Variants in DCC observed in about 807,000 individuals in gnomAD.
DCC encodes DCC netrin 1 receptor, also known as netrin receptor DCC.
DCC carries 58 observed loss-of-function variants against 172.5 expected under a neutral mutation model. The ratio of observed to expected loss-of-function variants is 0.34; its 90% CI spans 0.27 to 0.42. The LOEUF (loss-of-function observed/expected upper bound fraction) is 0.42. DCC is among the 10% of genes least tolerant of loss of function. The probability of loss-of-function intolerance (pLI) is 1.00; values close to 1 mark genes in which losing one functional copy is unlikely to be tolerated. For missense variants in DCC, 1,740 were observed against 1,791.0 expected, an observed-to-expected ratio of 0.97 and a Z score of 0.51; for synonymous variants, 709 against 644.5, an observed-to-expected ratio of 1.10 and a Z score of -1.52.
chr18:53,136,193 T>TTATCTATCTATC (rs149182187), intron 7 of DCC, among the ~76,000 whole-genome samples: 9,875 of 148,990 alleles, frequency 0.066, 435 homozygotes, highest in East Asian at 0.12. Context: ...GCATGTGATT[T>TTATCTATCTATC]TATCTATCTA....
chr18:52,500,741 AGT>A (rs1342746506), intron 1 of DCC, among the ~76,000 whole-genome samples: 1 of 152,124 alleles, frequency 6.6e-6, no homozygotes, highest in African/African-American at 2.4e-5. Context: ...CTCTCTCATG[AGT>A]GTGAAATGAT....
At chr18:52,976,473 T>A (rs1392046955) in intron 5 of DCC, among the ~76,000 whole-genome samples, 1 of 152,158 alleles carries the variant, frequency 6.6e-6, no homozygotes, top group Non-Finnish European at 1.5e-5. Context: ...CCACTCGTTA[T>A]CCTTCATTTA....
intron 7 of DCC, among the ~76,000 whole-genome samples, chr18:53,106,293 C>A (rs915580096): frequency 6.6e-6 from 1 of 151,910 alleles, no homozygotes; most frequent in Non-Finnish European, 1.5e-5. Flanking sequence ...AGTGGAATGT[C>A]CTGTTCCCAG....
In DCC at chr18:52,493,925, A is replaced by G. The variant is rs184624300; in HGVS notation, c.91+153047A>G. 1.8e-3 allele frequency among the ~76,000 whole-genome samples: 281 copies of G among 152,106 alleles called. 2 individuals carry two copies. The highest frequency in any genetic ancestry group is 6.4e-3 in the African/African-American group (265 of 41,512). On this transcript the variant is annotated intron_variant, in intron 1 of 28. Coordinates refer to ENST00000442544, the MANE Select transcript of DCC (RefSeq NM_005215.4). ...AATTTCCCTTGAAATATAATCACAT[A>G]TTTATTCTTTCTGTTTCTCATCATT...
chr18:53,283,896 G>C (rs2056903105), intron 12 of DCC, among the ~76,000 whole-genome samples: 2 of 90,558 alleles, frequency 2.2e-5, no homozygotes, highest in Non-Finnish European at 4.5e-5. Flanking sequence ...ATGAGTTTAA[G>C]TTCTAGGGAG....
rs115637178 is a variant in DCC at position 52,352,331 on chromosome 18, A to G, written c.91+11453A>G. Among the ~76,000 whole-genome samples, 967 of 152,280 alleles carry G rather than the reference A, an allele frequency of 6.4e-3. 10 individuals are homozygous for G. The highest frequency in any genetic ancestry group is 0.022 in the African/African-American group (896 of 41,548). Reference sequence around the variant, plus strand: ...CTCAATTTTATTGTTGTGATTTTAGAGACTTAAATATAAATTAAGGTAGTC... The same window carrying G: ...CTCAATTTTATTGTTGTGATTTTAGGGACTTAAATATAAATTAAGGTAGTC... On this transcript the variant is annotated intron_variant, in intron 1 of 28. Transcript: ENST00000442544.
chr18:52,597,414 T>C (rs2033930766), intron 1 of DCC, among the ~76,000 whole-genome samples: 1 of 152,224 alleles, frequency 6.6e-6, no homozygotes, highest in Non-Finnish European at 1.5e-5. Context: ...AGCCCTGTCC[T>C]GACATTTCAC....
chr18:52,478,325 A>G (rs1236272451), intron 1 of DCC, among the ~76,000 whole-genome samples: 6 of 152,024 alleles, frequency 3.9e-5, no homozygotes, highest in South Asian at 4.1e-4. Context: ...CCTCATATCT[A>G]TGTTCTCTGC....
At chr18:53,468,380 T>TTTAATTTATTTATTTATTTTA (rs1555675979) in intron 25 of DCC, among the ~76,000 whole-genome samples, 1 of 135,152 alleles carries the variant, frequency 7.4e-6, no homozygotes, top group East Asian at 2.0e-4. Context: ...TATTTATTTA[T>TTTAATTTATTTATTTATTTTA]TTTATTTATT....
rs1190583736 is a variant in DCC at position 52,914,251 on chromosome 18, A to G, written c.697+7923A>G. On this transcript the variant is annotated intron_variant, in intron 3 of 28. Coordinates refer to ENST00000442544, the MANE Select transcript of DCC (RefSeq NM_005215.4). ...AAAAATCACTTCCTTCAGACTTGCTACAAAATGAATCTGATAGACTTAAAA... is the reference window on the plus strand; with the variant it reads ...AAAAATCACTTCCTTCAGACTTGCTGCAAAATGAATCTGATAGACTTAAAA... 5.3e-5 allele frequency among the ~76,000 whole-genome samples: 8 copies of G among 152,234 alleles called. No homozygotes were observed. The East Asian group carries it at 7.7e-4, about 15-fold the overall frequency.
intron 1 of DCC, among the ~76,000 whole-genome samples, chr18:52,558,632 C>G (rs544562531): frequency 2.6e-5 from 4 of 152,164 alleles, no homozygotes; most frequent in South Asian, 4.2e-4. Flanking sequence ...TTTATCACAC[C>G]CATGTAGTGG....
intron 7 of DCC, among the ~76,000 whole-genome samples, chr18:53,073,750 A>G (rs1460828094): frequency 6.6e-6 from 1 of 152,106 alleles, no homozygotes; most frequent in South Asian, 2.1e-4. Context: ...TCAGTATATC[A>G]TATAGCTTGG....
chr18:53,145,257 T>G (rs4939721), intron 7 of DCC, among the ~76,000 whole-genome samples: 64,240 of 151,364 alleles, frequency 0.42, 15,216 homozygotes, highest in South Asian at 0.66. Flanking sequence ...GGGACTACAG[T>G]CGCCCGCCAC....
chr18:52,686,606 C>G (rs530668776), intron 1 of DCC, among the ~76,000 whole-genome samples: 22 of 152,228 alleles, frequency 1.4e-4, no homozygotes, highest in African/African-American at 4.8e-4. Context: ...AGATTCAGAA[C>G]CCCATTAGAT....
At chr18:53,142,870 C>T (rs1394819897) in intron 7 of DCC, among the ~76,000 whole-genome samples, 1 of 152,182 alleles carries the variant, frequency 6.6e-6, no homozygotes, top group East Asian at 1.9e-4. Context: ...TCTTCCCAGA[C>T]TCCTTTTTCT....
At chr18:52,635,667 G>C (rs2034762719) in intron 1 of DCC, among the ~76,000 whole-genome samples, 1 of 152,076 alleles carries the variant, frequency 6.6e-6, no homozygotes, top group South Asian at 2.1e-4. Context: ...ATTCCATTCA[G>C]AGCTGCACAG....
chr18:53,459,077 A>G (rs2045517583), intron 23 of DCC, among the ~76,000 whole-genome samples, 155 bp from the exon 24 acceptor site: 1 of 152,222 alleles, frequency 6.6e-6, no homozygotes, highest in African/African-American at 2.4e-5. Context: ...GAGGAAAGGC[A>G]GCCAAGACAA....
intron 1 of DCC, among the ~76,000 whole-genome samples, chr18:52,372,722 T>A (rs1985175285): frequency 6.6e-6 from 1 of 152,168 alleles, no homozygotes; most frequent in Non-Finnish European, 1.5e-5. Context: ...ACCCACCCTC[T>A]TTCTCACCTC....
Position 52,406,356 on chromosome 18 carries a change from A to G in DCC, c.91+65478A>G, listed in dbSNP as rs34881432. On this transcript the variant is annotated intron_variant, in intron 1 of 28. Coordinates refer to ENST00000442544, the MANE Select transcript of DCC (RefSeq NM_005215.4). Reference sequence around the variant, plus strand: ...TTAAACTAAAGAGCTTCTGCACGGCAAAAGAAACTACCATCAGAGTGAACA... The same window carrying G: ...TTAAACTAAAGAGCTTCTGCACGGCGAAAGAAACTACCATCAGAGTGAACA... 8.3e-3 allele frequency among the ~76,000 whole-genome samples: 1,253 copies of G among 151,576 alleles called. 8 individuals are homozygous for G. Among genetic ancestry groups the G allele is most frequent in the Non-Finnish European group, 0.013 (852 of 67,862 alleles).
Sources: allele counts gnomAD v4.1 joint callset (sites outside exome capture counted in the v4.1 genomes callset), GRCh38; gene constraint gnomAD v4.1.1; transcripts MANE v1.5; gene names NCBI Gene and HGNC (gene_info 2026-07-23, HGNC 2026-07-21).